Variants in ZBTB46 observed in about 807,000 individuals in gnomAD.
ZBTB46 encodes the protein zinc finger and BTB domain-containing protein 46.
Under a neutral mutation model 44.1 loss-of-function variants are expected in ZBTB46, and 8 were observed. The ratio of observed to expected loss-of-function variants is 0.18; its 90% confidence interval spans 0.11 to 0.33. ZBTB46 has a LOEUF of 0.33. Ranked by LOEUF, ZBTB46 falls within the 10% of genes least tolerant of loss-of-function variation. The probability of loss-of-function intolerance (pLI) is 1.00; values close to 1 mark genes in which losing one functional copy is unlikely to be tolerated. For missense variants in ZBTB46, 651 were observed against 847.7 expected (o/e 0.77, Z 2.88); for synonymous variants, 409 against 382.3 (o/e 1.07, Z -0.81).
rs1161395580 is a variant in ZBTB46 at position 63,767,783 on chromosome 20, C to T, written c.1222+7895G>A. 2.7e-6 allele frequency: 2 copies of T among 750,092 alleles called. No homozygotes were observed. The highest frequency in any genetic ancestry group is 1.9e-5 in the African/African-American group (1 of 52,668). The allele number at this position is 750,092 out of a possible 1,614,324, so 46.5% of individuals were successfully genotyped here. On this transcript the variant is annotated intron_variant, in intron 3 of 4. Coordinates refer to ENST00000245663, the MANE Select transcript of ZBTB46 (RefSeq NM_001369741.1). This position sits in a 1 kb window ranked among gnomAD's most constrained non-coding sequence, Gnocchi z 5.0. ...CAAGGAGCTCCAGGCGAGGCCAAGC[C>T]GTCCTGGCACTGGCTGCCCCCAGGG...
At chr20:63,780,437 A>G (rs2092459686) in intron 2 of ZBTB46, among the ~76,000 whole-genome samples, 1 of 152,194 alleles carries the variant, frequency 6.6e-6, no homozygotes, top group African/African-American at 2.4e-5. Flanking sequence ...GCCACATACA[A>G]AAAAACCAAC....
intron 2 of ZBTB46, among the ~76,000 whole-genome samples, chr20:63,783,393 C>T (rs762800677): frequency 3.3e-5 from 5 of 152,230 alleles, no homozygotes; most frequent in Non-Finnish European, 7.3e-5. Context: ...CGCGCCATTG[C>T]ACTCCAGCCT....
Position 63,746,704 on chromosome 20 carries a change from G to C in ZBTB46, c.*226C>G. 1.6e-6 allele frequency: 1 copy of C among 630,264 alleles called. No individual in the cohort carries two copies. The highest frequency in any genetic ancestry group is 2.5e-6 in the Non-Finnish European group (1 of 402,734). The allele number at this position is 630,264 out of a possible 1,614,324, so 39.0% of individuals were successfully genotyped here. On this transcript the variant is annotated 3_prime_UTR_variant, in exon 5 of 5. Transcript: ENST00000245663. Reference sequence around the variant, plus strand: ...CTCTCCCTTCACTCAAACCCACCCTGTGCCCTCCCCCAACTCACTTCATGT... The same window carrying C: ...CTCTCCCTTCACTCAAACCCACCCTCTGCCCTCCCCCAACTCACTTCATGT...
At chr20:63,790,937 C>CGGGAG in intron 1 of ZBTB46, 147 bp from the exon 2 acceptor site, 1 of 1,194,528 alleles carries the variant, frequency 8.4e-7, no homozygotes, top group South Asian at 1.7e-5. Flanking sequence ...AGGTGTGCAG[C>CGGGAG]GGGAGGCCTG....
At chr20:63,795,982 A>C (rs868298764) in intron 1 of ZBTB46, among the ~76,000 whole-genome samples, 1 of 152,186 alleles carries the variant, frequency 6.6e-6, no homozygotes, top group Non-Finnish European at 1.5e-5. Context: ...TTGAGGACGC[A>C]CACTTCCCAC....
Position 63,764,605 on chromosome 20 carries a change from G to GT in ZBTB46, c.1222+11072dup, listed in dbSNP as rs11479608. On this transcript the variant is annotated intron_variant, in intron 3 of 4. Coordinates refer to ENST00000245663, the MANE Select transcript of ZBTB46 (RefSeq NM_001369741.1). ...TCTGAATGTTAAGCATTTTTTCTCT[G>GT]TTTTTTTTTTTTTTGAGACGGAGTT... Among the ~76,000 whole-genome samples, 1,085 of 141,818 alleles carry GT rather than the reference G, an allele frequency of 7.7e-3. 7 individuals carry two copies. The highest frequency in any genetic ancestry group is 0.011 in the Non-Finnish European group (737 of 65,020). 93.0% of individuals were successfully genotyped at this position (141,818 alleles called of 152,430 possible). A position where few individuals can be genotyped will look rare whatever the true frequency, so the allele number is the denominator to read the frequency against.
Position 63,752,890 on chromosome 20 carries a change from GCAGGGCTTGGGATGTACCGCC to G in ZBTB46, c.1223-50_1223-30del, listed in dbSNP as rs750898452. The G allele has an allele frequency of 6.3e-7, 1 of 1,575,666 alleles. No individual in the cohort carries two copies. The highest frequency in any genetic ancestry group is 1.7e-5 in the Admixed American group (1 of 58,688). The stretch of plus-strand genomic sequence containing the variant: ...AAAGAGAGGGACCCGCGAGGCGTCA[GCAGGGCTTGGGATGTACCGCC>G]CTGCGGCCCACAGACCACGGCTGCA... On this transcript the variant is annotated intron_variant, in intron 3 of 4. Coordinates refer to ENST00000245663, the MANE Select transcript of ZBTB46 (RefSeq NM_001369741.1). The surrounding 1 kb of genome is among the most constrained non-coding windows in gnomAD (Gnocchi z 5.6).
intron 3 of ZBTB46, 118 bp downstream of exon 3, chr20:63,775,560 G>A: frequency 7.4e-7 from 1 of 1,358,010 alleles, no homozygotes. Context: ...AGGGAGGTCA[G>A]CAGGCGGCCG....
intron 1 of ZBTB46, among the ~76,000 whole-genome samples, chr20:63,805,630 CCT>C (rs1473040480): frequency 2.0e-5 from 3 of 152,166 alleles, no homozygotes; most frequent in Non-Finnish European, 2.9e-5. Flanking sequence ...CCTGAGACAC[CCT>C]GAGTTCCAGC....
At chr20:63,830,154 G>T (rs1368054548) in intron 1 of ZBTB46, among the ~76,000 whole-genome samples, 1 of 152,164 alleles carries the variant, frequency 6.6e-6, no homozygotes, top group Non-Finnish European at 1.5e-5. Context: ...TCTGTACCCT[G>T]GCTCCTCGGT....
intron 1 of ZBTB46, among the ~76,000 whole-genome samples, chr20:63,797,969 G>A (rs190920427): frequency 9.9e-5 from 15 of 152,268 alleles, no homozygotes; most frequent in Non-Finnish European, 1.5e-5. Context: ...CACTCTGATG[G>A]TAGTTTCTTT....
chr20:63,833,427 T>C (rs1033011443), upstream of ZBTB46, among the ~76,000 whole-genome samples: 14 of 152,062 alleles, frequency 9.2e-5, no homozygotes, highest in African/African-American at 3.1e-4. Flanking sequence ...CCGTCTCTAC[T>C]AAAAATACAA....
intron 3 of ZBTB46, among the ~76,000 whole-genome samples, chr20:63,758,752 GAGAC>G (rs2145792348): frequency 9.4e-6 from 1 of 106,380 alleles, no homozygotes; most frequent in Non-Finnish European, 2.0e-5. Context: ...TTTTTTTTTT[GAGAC>G]AGAGTCTTGC....
chr20:63,790,149 G>A lies in ZBTB46; in HGVS notation c.609C>T (p.Pro203=), dbSNP rs749499593. 6.2e-7 allele frequency: 1 copy of A among 1,613,938 alleles called. No individual in the cohort carries two copies. The highest frequency in any genetic ancestry group is 8.5e-7 in the Non-Finnish European group (1 of 1,180,024). ...GSSYGKEDQE[P]KADGPDDVSS... Reference sequence around the variant, plus strand: ...AAACATCATCAGGGCCATCGGCCTTGGGCTCCTGATCCTCTTTCCCGTAGC... The same window carrying A: ...AAACATCATCAGGGCCATCGGCCTTAGGCTCCTGATCCTCTTTCCCGTAGC... The change falls in exon 2 of 5, where the codon CCC becomes CCT. Residue 203 remains proline (P), a synonymous_variant. Coordinates refer to ENST00000245663, the MANE Select transcript of ZBTB46 (RefSeq NM_001369741.1).
chr20:63,810,464 G>C (rs908196232), intron 1 of ZBTB46, among the ~76,000 whole-genome samples: 1 of 152,128 alleles, frequency 6.6e-6, no homozygotes, highest in African/African-American at 2.4e-5. Flanking sequence ...CGCAAACCAA[G>C]GTCCTTATTC....
chr20:63,787,705 G>A lies in ZBTB46; in HGVS notation c.937+2116C>T, dbSNP rs1477070873. 1 of 152,218 alleles carries A rather than the reference G, an allele frequency of 6.6e-6. No individual in the cohort carries two copies. Among genetic ancestry groups the A allele is most frequent in the Non-Finnish European group, 1.5e-5 (1 of 68,048 alleles). 9.4% of individuals were successfully genotyped at this position (152,218 alleles called of 1,614,324 possible). ...GATGCGTTTCTTGGAACCTATCCCTGTCATCAAGCAACGCGTGACTTTAAT... is the reference window on the plus strand; with the variant it reads ...GATGCGTTTCTTGGAACCTATCCCTATCATCAAGCAACGCGTGACTTTAAT... On this transcript the variant is annotated intron_variant, in intron 2 of 4. Coordinates refer to ENST00000245663, the MANE Select transcript of ZBTB46 (RefSeq NM_001369741.1). This position sits in a 1 kb window ranked among gnomAD's most constrained non-coding sequence, Gnocchi z 4.6.
rs140442460 is a variant in ZBTB46 at position 63,810,308 on chromosome 20, A to G, written c.-33-19518T>C. ...CTGAGCAAAACCCAATTCCAGGAAC[A>G]TTAAAAATGCCAGTCACGTGGATGC... On this transcript the variant is annotated intron_variant, in intron 1 of 4. Transcript: ENST00000245663. Among the ~76,000 whole-genome samples, 4 of 152,354 alleles carry G rather than the reference A, an allele frequency of 2.6e-5. No individual in the cohort carries two copies. The East Asian group carries it at 7.7e-4, about 29-fold the overall frequency.
intron 3 of ZBTB46, among the ~76,000 whole-genome samples, chr20:63,771,683 T>C (rs927264726): frequency 6.6e-6 from 1 of 152,086 alleles, no homozygotes; most frequent in Non-Finnish European, 1.5e-5. Flanking sequence ...CAGGCGCTGG[T>C]GTCCACGGTT....
intron 1 of ZBTB46, among the ~76,000 whole-genome samples, chr20:63,822,054 G>A (rs775641835): frequency 6.6e-6 from 1 of 152,116 alleles, no homozygotes; most frequent in Non-Finnish European, 1.5e-5. Flanking sequence ...TATCTAAGAA[G>A]CTTTTTGCGG....
Sources: gnomAD v4.1 joint callset for allele counts (sites outside exome capture counted in the v4.1 genomes callset) on GRCh38, gnomAD v4.1.1 for gene constraint, Gnocchi (gnomAD v3.1) non-coding constraint, MANE v1.5 for transcripts, NCBI Gene and HGNC (gene_info 2026-07-23, HGNC 2026-07-21) for gene names.